The following VAPB variants were observed in gnomAD, a reference collection of about 807,000 sequenced individuals.
VAPB encodes the protein vesicle-associated membrane protein-associated protein B/C.
Under a neutral mutation model 25.6 loss-of-function variants are expected in VAPB, and 7 were observed. The observed-to-expected ratio is 0.27, with a 90% CI of 0.16 to 0.51. The LOEUF (loss-of-function observed/expected upper bound fraction) is 0.51. VAPB is among the 20% of genes least tolerant of loss of function. The pLI, the probability that VAPB is intolerant of heterozygous loss-of-function variation, is 0.97. For synonymous variants in VAPB, 112 were observed against 109.2 expected (o/e 1.03, Z -0.16); for missense variants, 266 against 301.3 (o/e 0.88, Z 0.87).
intron 5 of VAPB, 142 bp from the exon 6 acceptor site, chr20:58,443,935 A>T: frequency 8.6e-7 from 1 of 1,161,604 alleles, no homozygotes; most frequent in Non-Finnish European, 1.3e-6. Flanking sequence ...TGTAGCCTGC[A>T]GTTTCTCCGT....
Position 58,447,881 on chromosome 20 carries a change from G to A in VAPB, c.*3646G>A, listed in dbSNP as rs573733886. 2.5e-4 allele frequency: 113 copies of A among 453,764 alleles called. 1 individual carries two copies. The highest frequency in any genetic ancestry group is 2.2e-3 in the African/African-American group (108 of 49,980). The allele number at this position is 453,764 out of a possible 1,614,324, so 28.1% of individuals were successfully genotyped here. A position where few individuals can be genotyped will look rare whatever the true frequency, so the allele number is the denominator to read the frequency against. Reference sequence around the variant, plus strand: ...GAAATACATGTATGAAGAGATAGGGGTCTTGGGCTTCCCAGTGTCACTTTG... The same window carrying A: ...GAAATACATGTATGAAGAGATAGGGATCTTGGGCTTCCCAGTGTCACTTTG... On this transcript the variant is annotated 3_prime_UTR_variant, in exon 6 of 6. Coordinates refer to ENST00000475243, the MANE Select transcript of VAPB (RefSeq NM_004738.5).
At chr20:58,432,593 T>C (rs547859901) in intron 2 of VAPB, among the ~76,000 whole-genome samples, 17 of 152,216 alleles carry the variant, frequency 1.1e-4, no homozygotes, top group Non-Finnish European at 1.9e-4. Context: ...AACATTAATC[T>C]AACAGTGAAT....
chr20:58,402,548 C>G lies in VAPB; in HGVS notation c.58+13031C>G, dbSNP rs1988123404. The stretch of plus-strand genomic sequence containing the variant: ...GTGACTCCCTTTCGCTGTTAGTCAG[C>G]AAGCCCCCCCACCCTTTTTTTTTTT... On this transcript the variant is annotated intron_variant, in intron 1 of 5. Coordinates refer to ENST00000475243, the MANE Select transcript of VAPB (RefSeq NM_004738.5). Among the ~76,000 whole-genome samples, 3 of 149,932 alleles carry G rather than the reference C, an allele frequency of 2.0e-5. No homozygotes were observed. In the South Asian group the frequency reaches 6.3e-4, roughly 31 times the overall value.
Position 58,445,371 on chromosome 20 carries a change from C to T in VAPB, c.*1136C>T, listed in dbSNP as rs761521820. On this transcript the variant is annotated 3_prime_UTR_variant, in exon 6 of 6. Coordinates refer to ENST00000475243, the MANE Select transcript of VAPB (RefSeq NM_004738.5). The stretch of plus-strand genomic sequence containing the variant: ...GGATCGGGCTGCAGAGGGTTAGAAG[C>T]GAGGGCACCAGCAGTTGTGGGTGGG... 8.8e-6 allele frequency: 4 copies of T among 454,418 alleles called. No individual in the cohort carries two copies. The highest frequency in any genetic ancestry group is 7.1e-5 in the Admixed American group (3 of 42,542). 28.1% of individuals were successfully genotyped at this position (454,418 alleles called of 1,614,324 possible).
At chr20:58,392,260 A>G (rs578259603) in intron 1 of VAPB, among the ~76,000 whole-genome samples, 3 of 152,332 alleles carry the variant, frequency 2.0e-5, no homozygotes, top group East Asian at 1.9e-4. Context: ...ATAGTACTAT[A>G]CAGAGATTAG....
At chr20:58,403,416 G>A (rs922351774) in intron 1 of VAPB, among the ~76,000 whole-genome samples, 2 of 152,108 alleles carry the variant, frequency 1.3e-5, no homozygotes, top group South Asian at 2.1e-4. Flanking sequence ...GATCTTCCCC[G>A]CTTAAGCAAA....
chr20:58,447,674 GTGTGCA>G lies in VAPB; in HGVS notation c.*3444_*3449del, dbSNP rs1228694969. On this transcript the variant is annotated 3_prime_UTR_variant, in exon 6 of 6. Transcript: ENST00000475243. ...TCTGTGTGTGTGTGCATGTGTGCATGTGTGCATGTGTGGCATATGTGCCGTATGTCA... is the reference window on the plus strand; with the variant it reads ...TCTGTGTGTGTGTGCATGTGTGCATGTGTGTGGCATATGTGCCGTATGTCA... The G allele has an allele frequency of 6.0e-5, 27 of 453,642 alleles. No individual in the cohort carries two copies. Among genetic ancestry groups the G allele is most frequent in the African/African-American group, 5.4e-4 (27 of 50,070 alleles). 28.1% of individuals were successfully genotyped at this position (453,642 alleles called of 1,614,324 possible). A position where few individuals can be genotyped will look rare whatever the true frequency, so the allele number is the denominator to read the frequency against.
At chr20:58,434,094 A>G (rs963457534) in intron 2 of VAPB, among the ~76,000 whole-genome samples, 1 of 152,132 alleles carries the variant, frequency 6.6e-6, no homozygotes, top group Non-Finnish European at 1.5e-5. Flanking sequence ...TGATTGTAAA[A>G]ATTTTCTAGC....
chr20:58,398,559 C>T (rs186549311), intron 1 of VAPB, among the ~76,000 whole-genome samples: 3 of 151,878 alleles, frequency 2.0e-5, no homozygotes, highest in East Asian at 3.9e-4. Flanking sequence ...TATTGGGAGA[C>T]GAGGGAAAAT....
At chr20:58,427,834 A>G (rs1481155411) in intron 2 of VAPB, among the ~76,000 whole-genome samples, 1 of 151,630 alleles carries the variant, frequency 6.6e-6, no homozygotes. Flanking sequence ...TGTTACCATT[A>G]TGATGCTGGT....
intron 4 of VAPB, chr20:58,439,354 A>G (rs568124358): frequency 1.1e-4 from 33 of 307,462 alleles, no homozygotes; most frequent in East Asian, 2.9e-4. Flanking sequence ...AGAGGGAACA[A>G]TTTGCCCTTT....
At chr20:58,438,056 A>G (rs924367748) in intron 3 of VAPB, among the ~76,000 whole-genome samples, 1 of 152,086 alleles carries the variant, frequency 6.6e-6, no homozygotes. Context: ...TCCTCTTAGG[A>G]CATGGGATTT....
At chr20:58,402,562 CTT>C (rs1491184515) in intron 1 of VAPB, among the ~76,000 whole-genome samples, 4 of 134,666 alleles carry the variant, frequency 3.0e-5, no homozygotes, top group Admixed American at 7.1e-5. Context: ...CCCCCCCACC[CTT>C]TTTTTTTTTT....
chr20:58,441,502 T>C (rs866577742), intron 5 of VAPB, among the ~76,000 whole-genome samples: 6 of 152,026 alleles, frequency 3.9e-5, no homozygotes, highest in Non-Finnish European at 4.4e-5. Flanking sequence ...ATTAGTTGGG[T>C]GTGGTGGCAG....
intron 1 of VAPB, among the ~76,000 whole-genome samples, chr20:58,395,577 A>G (rs1327535752): frequency 6.6e-6 from 1 of 152,260 alleles, no homozygotes; most frequent in African/African-American, 2.4e-5. Flanking sequence ...GCTGAGTTCC[A>G]TTAGTCAAGA....
At chr20:58,443,407 T>TG (rs1989204272) in intron 5 of VAPB, among the ~76,000 whole-genome samples, 1 of 149,572 alleles carries the variant, frequency 6.7e-6, no homozygotes, top group Middle Eastern at 3.2e-3. Context: ...GGTTTTTTTT[T>TG]TTTTTTTTTT....
chr20:58,445,931 A>C lies in VAPB; in HGVS notation c.*1696A>C. On this transcript the variant is annotated 3_prime_UTR_variant, in exon 6 of 6. Transcript: ENST00000475243. Reference sequence around the variant, plus strand: ...AGGTTTGAGAGGACAAGTTCATCAGAAGGAAGGCAGTCCTTAGAAGTCACA... The same window carrying C: ...AGGTTTGAGAGGACAAGTTCATCAGCAGGAAGGCAGTCCTTAGAAGTCACA... The C allele has an allele frequency of 6.6e-6, 3 of 454,040 alleles. No individual in the cohort carries two copies. The highest frequency in any genetic ancestry group is 8.8e-6 in the Non-Finnish European group (2 of 226,768). The allele number at this position is 454,040 out of a possible 1,614,324, so 28.1% of individuals were successfully genotyped here.
chr20:58,417,237 G>A (rs1380425737), intron 1 of VAPB, among the ~76,000 whole-genome samples: 2 of 152,080 alleles, frequency 1.3e-5, no homozygotes, highest in African/African-American at 2.4e-5. Flanking sequence ...CCATAGATGG[G>A]TAAATGAAAA....
chr20:58,420,306 G>A (rs1249375086), intron 2 of VAPB, among the ~76,000 whole-genome samples: 1 of 152,198 alleles, frequency 6.6e-6, no homozygotes, highest in African/African-American at 2.4e-5. Context: ...CTTTCAGGAA[G>A]ATCCATTGTT....
Sources: allele counts gnomAD v4.1 joint callset (sites outside exome capture counted in the v4.1 genomes callset), GRCh38; gene constraint gnomAD v4.1.1; transcripts MANE v1.5; gene names NCBI Gene and HGNC (gene_info 2026-07-23, HGNC 2026-07-21).